DMD: variants seen among roughly 807,000 people sequenced by gnomAD.
DMD encodes dystrophin, also known as mutant dystrophin.
In DMD, 63 loss-of-function variants were observed where a neutral mutation model predicts 330.1. The observed-to-expected ratio is 0.19, with a 90% CI of 0.16 to 0.24. DMD has a LOEUF of 0.24. DMD is among the 10% of genes least tolerant of loss of function. The probability of loss-of-function intolerance (pLI) is 1.00; values close to 1 mark genes in which losing one functional copy is unlikely to be tolerated. For missense variants in DMD, 3,344 were observed against 2,684.1 expected (o/e 1.25, Z -5.43); for synonymous variants, 1,223 against 959.8 (o/e 1.27, Z -5.07).
At chrX:31,763,694 T>C (rs1009592978) in intron 51 of DMD, among the ~76,000 whole-genome samples, 1 of 112,317 alleles carries the variant, frequency 8.9e-6, no homozygotes, top group African/African-American at 3.2e-5. Flanking sequence ...ACCAGTCAAC[T>C]ATATAATCAT....
chrX:32,814,182 T>C (rs1317789106), intron 6 of DMD, among the ~76,000 whole-genome samples: 3 of 112,225 alleles, frequency 2.7e-5, no homozygotes, highest in Non-Finnish European at 5.6e-5. Context: ...TACACTAAAA[T>C]AAGGATTTAG....
chrX:32,674,767 T>C (rs2061859055), intron 9 of DMD, among the ~76,000 whole-genome samples: 2 of 111,175 alleles, frequency 1.8e-5, no homozygotes, highest in Non-Finnish European at 3.8e-5. Context: ...AGCCGGTCTG[T>C]ATGAGTTCGA....
At chrX:32,650,151 A>G (rs1412314070) in intron 9 of DMD, among the ~76,000 whole-genome samples, 1 of 111,776 alleles carries the variant, frequency 8.9e-6, no homozygotes, top group East Asian at 2.8e-4. Context: ...TCTTAGAAAA[A>G]ATAGCTGGGA....
At chrX:32,885,326 A>C (rs1034268263) in intron 2 of DMD, among the ~76,000 whole-genome samples, 2 of 111,718 alleles carry the variant, frequency 1.8e-5, no homozygotes, top group Non-Finnish European at 3.8e-5. Flanking sequence ...GCTAGATTCA[A>C]AATATTAAGC....
chrX:31,664,730 C>T lies in DMD; in HGVS notation c.7873-6586G>A, dbSNP rs141420411. Among the ~76,000 whole-genome samples the T allele has an allele frequency of 2.7e-4, 27 of 100,169 alleles. No homozygotes were observed. In the East Asian group the frequency reaches 7.2e-3, roughly 27 times the overall value. The allele number at this position is 100,169 out of a possible 115,157, so 87.0% of individuals were successfully genotyped here. On this transcript the variant is annotated intron_variant, in intron 53 of 78. Transcript: ENST00000357033. ...CTTCCATTGACACTACCTTAATTTA[C>T]GTCCCTATCATCTCTTGCTCAGGTA...
rs781525965 is a variant in DMD, at chrX:32,722,484, C to A, written c.650-23191G>T. On this transcript the variant is annotated intron_variant, in intron 7 of 78. Transcript: ENST00000357033. Reference sequence around the variant, plus strand: ...TTTAAGCATCTTTGGATTTTGGTATCCACTGGCATCCTGGAACCCATGTCC... The same window carrying A: ...TTTAAGCATCTTTGGATTTTGGTATACACTGGCATCCTGGAACCCATGTCC... Among the ~76,000 whole-genome samples the A allele has an allele frequency of 2.2e-3, 246 of 110,040 alleles. 1 individual carries two copies. Among genetic ancestry groups the A allele is most frequent in the African/African-American group, 7.8e-3 (237 of 30,429 alleles).
Position 32,611,204 on chromosome X carries a change from TA to T in DMD, c.1482+3098del, listed in dbSNP as rs34495388. 5.8e-3 allele frequency among the ~76,000 whole-genome samples: 612 copies of T among 105,285 alleles called. 2 individuals are homozygous for T. The highest frequency in any genetic ancestry group is 0.014 in the African/African-American group (403 of 28,919). The allele number at this position is 105,285 out of a possible 115,157, so 91.4% of individuals were successfully genotyped here. On this transcript the variant is annotated intron_variant, in intron 12 of 78. Coordinates refer to ENST00000357033, the MANE Select transcript of DMD (RefSeq NM_004006.3). ...ATATGAATCTTTCCCTTAATTTTTA[TA>T]AAAAAAAAATCTGTCAAATATTTCA... is the stretch of plus-strand genomic sequence containing the variant.
intron 2 of DMD, among the ~76,000 whole-genome samples, chrX:32,931,107 ATATAT>A (rs1232243940): frequency 1.8e-5 from 2 of 109,138 alleles, no homozygotes; most frequent in African/African-American, 6.6e-5. Context: ...CATATGATTC[ATATAT>A]TATATGGATT....
intron 60 of DMD, among the ~76,000 whole-genome samples, chrX:31,395,876 AAAAC>A (rs1157311533): frequency 1.8e-5 from 2 of 112,278 alleles, no homozygotes; most frequent in African/African-American, 3.2e-5. Context: ...GGGAATATGA[AAAAC>A]AAACAAAAAA....
At chrX:31,199,851 G>A (rs968131027) in intron 67 of DMD, among the ~76,000 whole-genome samples, 1 of 112,133 alleles carries the variant, frequency 8.9e-6, no homozygotes, top group African/African-American at 3.2e-5. Context: ...CTTGCTGAAG[G>A]AACCAGCCCA....
At chrX:33,009,526 A>G (rs1464603602) in intron 2 of DMD, among the ~76,000 whole-genome samples, 1 of 88,033 alleles carries the variant, frequency 1.1e-5, no homozygotes, top group Non-Finnish European at 2.2e-5. Flanking sequence ...ATATGTGTGT[A>G]TGTGTGTATG....
intron 44 of DMD, among the ~76,000 whole-genome samples, chrX:32,041,408 C>T (rs773175366): frequency 5.3e-5 from 6 of 112,259 alleles, no homozygotes; most frequent in Admixed American, 1.9e-4. Flanking sequence ...TTCAACTGGG[C>T]GCAGAGCCCA....
chrX:32,685,292 A>C (rs1018676650), intron 9 of DMD, among the ~76,000 whole-genome samples: 3 of 111,562 alleles, frequency 2.7e-5, no homozygotes, highest in Non-Finnish European at 5.7e-5. Flanking sequence ...AATGATCTAA[A>C]TTTCTTCTTG....
chrX:31,251,401 T>C (rs1051323382), intron 63 of DMD, among the ~76,000 whole-genome samples: 3 of 111,704 alleles, frequency 2.7e-5, no homozygotes, highest in East Asian at 5.6e-4. Flanking sequence ...AATATATCAA[T>C]ATAAGCAACA....
At chrX:32,579,893 TTCAG>T (rs1362531444) in intron 13 of DMD, among the ~76,000 whole-genome samples, 1 of 113,024 alleles carries the variant, frequency 8.8e-6, no homozygotes, top group Non-Finnish European at 1.9e-5. Context: ...TCTACGCTAT[TTCAG>T]TCAGTTTCCT....
At chrX:33,108,868 GAA>G (rs59817056) in intron 1 of DMD, among the ~76,000 whole-genome samples, 1 of 24,227 alleles carries the variant, frequency 4.1e-5, no homozygotes, top group Non-Finnish European at 9.3e-5. Context: ...CTCCGTTTCG[GAA>G]AAAAAAAAAA....
chrX:32,332,328 C>G (rs1266630784), intron 41 of DMD, among the ~76,000 whole-genome samples: 1 of 108,364 alleles, frequency 9.2e-6, no homozygotes, highest in Non-Finnish European at 1.9e-5. Context: ...AATAAATACT[C>G]AAGAAGATAA....
chrX:31,710,767 C>G (rs754418574), intron 52 of DMD, among the ~76,000 whole-genome samples: 1 of 111,618 alleles, frequency 9.0e-6, no homozygotes, highest in Admixed American at 9.5e-5. Flanking sequence ...AGGTAAACTA[C>G]TAAAATTTAG....
At chrX:32,051,072 C>T (rs1245159721) in intron 44 of DMD, among the ~76,000 whole-genome samples, 1 of 107,324 alleles carries the variant, frequency 9.3e-6, no homozygotes, top group African/African-American at 3.5e-5. Flanking sequence ...CCTTGGCCTC[C>T]AAAAATGCTG....
Sources: gnomAD v4.1 joint callset for allele counts (sites outside exome capture counted in the v4.1 genomes callset) on GRCh38, gnomAD v4.1.1 for gene constraint, MANE v1.5 for transcripts, NCBI Gene and HGNC (gene_info 2026-07-23, HGNC 2026-07-21) for gene names.